OPCML: variants seen among roughly 807,000 people sequenced by gnomAD.
OPCML encodes the protein opioid-binding protein/cell adhesion molecule.
In OPCML, 13 loss-of-function variants were observed where a neutral mutation model predicts 37.8. The ratio of observed to expected loss-of-function variants is 0.34; its 90% CI spans 0.22 to 0.55. OPCML has a LOEUF of 0.55. Ranked by LOEUF, OPCML falls within the 20% of genes least tolerant of loss-of-function variation. The probability of loss-of-function intolerance (pLI) is 0.91; values close to 1 mark genes in which losing one functional copy is unlikely to be tolerated. For missense variants in OPCML, 341 were observed against 435.6 expected (o/e 0.78, Z 1.93); for synonymous variants, 176 against 168.8 (o/e 1.04, Z -0.33).
intron 2 of OPCML, among the ~76,000 whole-genome samples, chr11:132,866,036 G>T (rs1053723023): frequency 6.6e-6 from 1 of 151,188 alleles, no homozygotes; most frequent in African/African-American, 2.4e-5. Flanking sequence ...GCACTCTTTA[G>T]TTCAGTCCTA....
At chr11:132,727,091 T>A (rs750117946) in intron 2 of OPCML, among the ~76,000 whole-genome samples, 1 of 152,150 alleles carries the variant, frequency 6.6e-6, no homozygotes, top group Non-Finnish European at 1.5e-5. Flanking sequence ...GACTCACTTG[T>A]GCCAGACACT....
At chr11:133,202,876 C>A (rs1211837101) in intron 1 of OPCML, among the ~76,000 whole-genome samples, 2 of 152,214 alleles carry the variant, frequency 1.3e-5, no homozygotes, top group African/African-American at 4.8e-5. Context: ...AAGCCTCCCT[C>A]CCGGACATGC....
At chr11:133,249,374 T>C (rs1941052923) in intron 1 of OPCML, among the ~76,000 whole-genome samples, 3 of 152,126 alleles carry the variant, frequency 2.0e-5, no homozygotes. Flanking sequence ...GAGAACTCAC[T>C]CACTAATGCA....
rs183253359 is a variant in OPCML at position 132,713,558 on chromosome 11, A to G, written c.147-56239T>C. ...TTCAAACCTAAGTTTTAAATTTCCT[A>G]TCCTAAACCTTAAGTCTCCTATCCC... On this transcript the variant is annotated intron_variant, in intron 2 of 7. Transcript: ENST00000524381. 1.8e-3 allele frequency among the ~76,000 whole-genome samples: 278 copies of G among 152,334 alleles called. 1 individual carries two copies. Among genetic ancestry groups the G allele is most frequent in the Non-Finnish European group, 3.1e-3 (209 of 68,036 alleles).
At chr11:132,446,903 GC>G (rs1188459107) in intron 4 of OPCML, among the ~76,000 whole-genome samples, 1 of 152,062 alleles carries the variant, frequency 6.6e-6, no homozygotes, top group Non-Finnish European at 1.5e-5. Context: ...AGTCACCCAG[GC>G]CCAGTTTCTT....
At chr11:132,775,258 T>A (rs892390926) in intron 2 of OPCML, among the ~76,000 whole-genome samples, 1 of 152,210 alleles carries the variant, frequency 6.6e-6, no homozygotes, top group African/African-American at 2.4e-5. Context: ...TCAGAGCTAC[T>A]TGTAGTTGGA....
chr11:132,733,660 G>T (rs979155800), intron 2 of OPCML, among the ~76,000 whole-genome samples: 2 of 152,210 alleles, frequency 1.3e-5, no homozygotes, highest in African/African-American at 4.8e-5. Context: ...CTTCACCTGA[G>T]CTCAGTAACC....
chr11:133,331,247 G>A (rs1020885469), intron 1 of OPCML, among the ~76,000 whole-genome samples: 10 of 152,206 alleles, frequency 6.6e-5, no homozygotes, highest in African/African-American at 2.4e-4. Context: ...TGGTAAGCTG[G>A]TAAGTTGCAA....
chr11:133,353,921 A>G (rs999502449), intron 1 of OPCML, among the ~76,000 whole-genome samples: 8 of 152,180 alleles, frequency 5.3e-5, no homozygotes, highest in African/African-American at 1.4e-4. Flanking sequence ...GAAAAAATAT[A>G]TATCCCTTTT....
chr11:133,124,121 G>T (rs191360135), intron 1 of OPCML, among the ~76,000 whole-genome samples: 1 of 151,876 alleles, frequency 6.6e-6, no homozygotes, highest in Non-Finnish European at 1.5e-5. Flanking sequence ...GCAAATGAGA[G>T]GGGGGATTAG....
intron 2 of OPCML, among the ~76,000 whole-genome samples, chr11:132,694,420 A>T (rs1943528770): frequency 6.6e-6 from 1 of 151,778 alleles, no homozygotes; most frequent in South Asian, 2.1e-4. Flanking sequence ...GATGCTCTTG[A>T]TTTCCTGACC....
At position 133,498,671 on chromosome 11, in the gene OPCML, T is replaced by C. The variant is rs115610680; in HGVS notation, c.61+33593A>G. On this transcript the variant is annotated intron_variant, in intron 1 of 7. Coordinates refer to ENST00000524381, the MANE Select transcript of OPCML (RefSeq NM_001012393.5). Reference sequence around the variant, plus strand: ...TGTAGGCACATAGATGCAGGCCTTATTGGAACCAAAGTCCAGTAGCGTCGC... The same window carrying C: ...TGTAGGCACATAGATGCAGGCCTTACTGGAACCAAAGTCCAGTAGCGTCGC... Among the ~76,000 whole-genome samples, 1,032 of 152,360 alleles carry C rather than the reference T, an allele frequency of 6.8e-3. 8 individuals carry two copies. Among genetic ancestry groups the C allele is most frequent in the African/African-American group, 0.024 (994 of 41,594 alleles).
intron 2 of OPCML, among the ~76,000 whole-genome samples, chr11:132,833,710 T>C (rs530296579): frequency 6.6e-6 from 1 of 152,324 alleles, no homozygotes; most frequent in South Asian, 2.1e-4. Context: ...TGCATTACAA[T>C]ATGACAATAG....
At chr11:133,157,773 T>A (rs1256306814) in intron 1 of OPCML, among the ~76,000 whole-genome samples, 1 of 152,238 alleles carries the variant, frequency 6.6e-6, no homozygotes, top group African/African-American at 2.4e-5. Flanking sequence ...TTGTCCAATT[T>A]TGGTGTGTCC....
At chr11:133,058,844 T>C (rs969196770) in intron 1 of OPCML, among the ~76,000 whole-genome samples, 3 of 152,164 alleles carry the variant, frequency 2.0e-5, no homozygotes, top group African/African-American at 7.2e-5. Context: ...AGTCAATAGA[T>C]AGAAGTAACT....
chr11:133,304,429 A>G (rs759830486), intron 1 of OPCML, among the ~76,000 whole-genome samples: 5 of 152,220 alleles, frequency 3.3e-5, no homozygotes, highest in Non-Finnish European at 7.3e-5. Context: ...CAACGATTCC[A>G]TGAACTGGGA....
intron 3 of OPCML, among the ~76,000 whole-genome samples, chr11:132,575,723 G>A (rs375289239): frequency 1.2e-3 from 176 of 151,954 alleles, no homozygotes; most frequent in African/African-American, 4.1e-3. Flanking sequence ...TTACCAATGA[G>A]CTTCATAATT....
intron 1 of OPCML, among the ~76,000 whole-genome samples, chr11:133,398,067 T>C (rs1031399983): frequency 1.3e-5 from 2 of 152,180 alleles, no homozygotes; most frequent in Non-Finnish European, 1.5e-5. Context: ...CAGAAACCTG[T>C]CTGCAAGGAG....
chr11:133,238,926 A>C (rs1332419756), intron 1 of OPCML, among the ~76,000 whole-genome samples: 1 of 152,198 alleles, frequency 6.6e-6, no homozygotes, highest in Non-Finnish European at 1.5e-5. Context: ...TTATTGTTCT[A>C]TTACTCTAAC....
Sources: gnomAD v4.1 joint callset for allele counts (sites outside exome capture counted in the v4.1 genomes callset) on GRCh38, gnomAD v4.1.1 for gene constraint, MANE v1.5 for transcripts, NCBI Gene and HGNC (gene_info 2026-07-23, HGNC 2026-07-21) for gene names.